IRAK2: variants seen among roughly 807,000 people sequenced by gnomAD.
The protein encoded by IRAK2 is interleukin-1 receptor-associated kinase-like 2.
IRAK2 carries 57 observed loss-of-function variants against 72.0 expected under a neutral mutation model. That is an observed-to-expected ratio of 0.79 (90% CI 0.64 to 0.99). IRAK2 has a LOEUF of 0.99. IRAK2 is among the 50% of genes least tolerant of loss of function. The pLI is 0.00. For synonymous variants in IRAK2, 293 were observed against 312.7 expected, an observed-to-expected ratio of 0.94 and a Z score of 0.67; for missense variants, 790 against 794.4, an observed-to-expected ratio of 0.99 and a Z score of 0.07.
rs1450544645 is a variant in IRAK2, at chr3:10,242,940, C to T, written c.*712C>T. ...CCTGTATTGGAAATCTTGCAATTCA[C>T]ATAATTATTCAGTCACTGCCTGGTA... On this transcript the variant is annotated 3_prime_UTR_variant, in exon 13 of 13. Coordinates refer to ENST00000256458, the MANE Select transcript of IRAK2 (RefSeq NM_001570.4). 6.6e-6 allele frequency: 1 copy of T among 152,254 alleles called. No homozygotes were observed. The highest frequency in any genetic ancestry group is 1.5e-5 in the Non-Finnish European group (1 of 68,050). 9.4% of individuals were successfully genotyped at this position (152,254 alleles called of 1,614,324 possible). A position where few individuals can be genotyped will look rare whatever the true frequency, so the allele number is the denominator to read the frequency against.
At chr3:10,188,732 G>A (rs1697124902) in intron 2 of IRAK2, among the ~76,000 whole-genome samples, 1 of 152,216 alleles carries the variant, frequency 6.6e-6, no homozygotes, top group Non-Finnish European at 1.5e-5. Context: ...CTCCATGTTG[G>A]TCAGGCTGGT....
intron 2 of IRAK2, among the ~76,000 whole-genome samples, chr3:10,180,703 G>A (rs992294600): frequency 6.6e-6 from 1 of 152,108 alleles, no homozygotes; most frequent in Admixed American, 6.5e-5. Context: ...TCCAGGAGGG[G>A]GGACTGGGAG....
Position 10,177,869 on chromosome 3 carries a change from G to T in IRAK2, c.126G>T (p.Leu42=). 6.2e-7 allele frequency: 1 copy of T among 1,613,588 alleles called. No homozygotes were observed. ...ACGTGATCACAGACCTGACCCAGCT[G>T]CGGAAGATCAAGTCCATGGAGCGGG... ...ASYVITDLTQ[L]RKIKSMERVQ... is the part of the protein sequence containing the mutation. The change falls in exon 2 of 13, where the codon CTG becomes CTT. Residue 42 remains leucine (L), a synonymous_variant. Coordinates refer to ENST00000256458, the MANE Select transcript of IRAK2 (RefSeq NM_001570.4).
Position 10,177,953 on chromosome 3 carries a change from C to G in IRAK2, c.210C>G (p.Thr70=), listed in dbSNP as rs780541727. 9 of 1,613,738 alleles carry G rather than the reference C, an allele frequency of 5.6e-6. No homozygotes were observed. The highest frequency in any genetic ancestry group is 7.6e-6 in the Non-Finnish European group (9 of 1,180,000). Residue 70 remains threonine (T), a synonymous_variant, in exon 2 of 13, where the codon ACC becomes ACG. Transcript: ENST00000256458. ...GGTGGTGGGGCATGCGGCAGGCCAC[C>G]GTCCAGCAACTTGTGGACCTCCTGT... ...LLWWWGMRQA[T]VQQLVDLLCR... is the part of the protein sequence containing the mutation.
At chr3:10,175,731 T>G (rs1696862209) in intron 1 of IRAK2, among the ~76,000 whole-genome samples, 1 of 151,126 alleles carries the variant, frequency 6.6e-6, no homozygotes, top group Admixed American at 6.6e-5. Context: ...CTACTAAAAA[T>G]ACAAAAAAAT....
chr3:10,193,125 G>A (rs1252274378), intron 2 of IRAK2, among the ~76,000 whole-genome samples: 3 of 152,154 alleles, frequency 2.0e-5, no homozygotes, highest in African/African-American at 7.2e-5. Context: ...TGCTCATTAG[G>A]AAGAGCACAG....
rs1300918242 is a variant in IRAK2, at chr3:10,165,118, C to T, written c.94+70C>T. 12 of 1,369,510 alleles carry T rather than the reference C, an allele frequency of 8.8e-6. No individual in the cohort carries two copies. The Admixed American group carries it at 1.5e-4, about 18-fold the overall frequency. 84.8% of individuals were successfully genotyped at this position (1,369,510 alleles called of 1,614,324 possible). On this transcript the variant is annotated intron_variant, in intron 1 of 12. Transcript: ENST00000256458. Reference sequence around the variant, plus strand: ...CCCCAGCGATCCCGCCTGGAGCGGCCGCCAAGCTCCCTCGGGCACCCGGGT... The same window carrying T: ...CCCCAGCGATCCCGCCTGGAGCGGCTGCCAAGCTCCCTCGGGCACCCGGGT...
chr3:10,186,068 TCAACAACAACAA>T (rs370082817), intron 2 of IRAK2, among the ~76,000 whole-genome samples: 3 of 150,978 alleles, frequency 2.0e-5, no homozygotes, highest in African/African-American at 7.4e-5. Context: ...AGACTCCGTC[TCAACAACAACAA>T]CAACAACAAC....
At position 10,234,523 on chromosome 3, in the gene IRAK2, T is replaced by C. The variant is rs1697919632; in HGVS notation, c.1337T>C (p.Val446Ala). The C allele has an allele frequency of 6.2e-7, 1 of 1,613,894 alleles. No individual in the cohort carries two copies. The highest frequency in any genetic ancestry group is 1.7e-5 in the Admixed American group (1 of 60,000). Residue 446 changes from valine to alanine, a missense_variant, in exon 11 of 13, where the codon GTG (valine) becomes GCG (alanine). Transcript: ENST00000256458. ...TASLCSRKTG[V>A]ENVMAKEICQ... ...TCGCTCTGCTCCAGGAAGACGGGCG[T>C]GGAGAACGTGATGGCAAAGGAGATC...
rs756857570 is a variant in IRAK2, at chr3:10,177,996, C to T, written c.253C>T (p.Arg85Trp). Reference protein sequence around the residue: ...VDLLCRLELYRAAQIILNWKP... With the variant: ...VDLLCRLELYWAAQIILNWKP... ...CCTCCTGTGCCGCCTGGAGCTCTAC[C>T]GGGCTGCCCAGATCATCCTGAACTG... is the stretch of plus-strand genomic sequence containing the variant. The change falls in exon 2 of 13, where the codon CGG (arginine) becomes TGG (tryptophan). Residue 85 changes from arginine to tryptophan, a missense_variant. By Grantham distance (101) the Arg-to-Trp change is moderately radical (BLOSUM62 -3). Transcript: ENST00000256458. 36 of 1,611,496 alleles carry T rather than the reference C, an allele frequency of 2.2e-5. No homozygotes were observed. The highest frequency in any genetic ancestry group is 4.0e-5 in the African/African-American group (3 of 74,912).
In IRAK2 at chr3:10,201,237, T is replaced by G. The variant is rs370668714; in HGVS notation, c.424+722T>G. On this transcript the variant is annotated intron_variant, in intron 3 of 12. Transcript: ENST00000256458. ...ATGCCCATTTCATGGATGAGAAAAC[T>G]AAAGCACAGCGAGGTTAACCAACCT... 4.6e-5 allele frequency among the ~76,000 whole-genome samples: 7 copies of G among 152,314 alleles called. No homozygotes were observed. The East Asian group carries it at 1.2e-3, about 25-fold the overall frequency.
At chr3:10,219,816 G>A (rs377714689) in intron 8 of IRAK2, 27 bp downstream of exon 8, 1 of 1,530,072 alleles carries the variant, frequency 6.5e-7, no homozygotes, top group Non-Finnish European at 9.1e-7. Context: ...GGACCCTGCT[G>A]GGGCCTGGGC....
In IRAK2 at chr3:10,213,467, G is replaced by T; in HGVS notation, c.724-17G>T. 1 of 1,613,882 alleles carries T rather than the reference G, an allele frequency of 6.2e-7. No individual in the cohort carries two copies. Among genetic ancestry groups the T allele is most frequent in the Middle Eastern group, 1.7e-4 (1 of 6,060 alleles). On this transcript the variant is annotated splice_polypyrimidine_tract_variant and intron_variant, in intron 5 of 12. Transcript: ENST00000256458. ...GGGTGGGGCGGGATCTTCATGTTCTGATGTCTTTCTCTACAGACAGCCTGT... is the reference window on the plus strand; with the variant it reads ...GGGTGGGGCGGGATCTTCATGTTCTTATGTCTTTCTCTACAGACAGCCTGT...
At chr3:10,169,847 T>A (rs1178870531) in intron 1 of IRAK2, among the ~76,000 whole-genome samples, 3 of 152,232 alleles carry the variant, frequency 2.0e-5, no homozygotes, top group Non-Finnish European at 4.4e-5. Context: ...AGAGTATAAA[T>A]GTCCATAAAA....
chr3:10,207,761 G>A (rs546435227), intron 3 of IRAK2, among the ~76,000 whole-genome samples: 1 of 152,298 alleles, frequency 6.6e-6, no homozygotes, highest in East Asian at 1.9e-4. Context: ...GGGAGGCCGA[G>A]GCAAGTGGAT....
At chr3:10,167,558 G>C (rs1010151925) in intron 1 of IRAK2, among the ~76,000 whole-genome samples, 3 of 152,064 alleles carry the variant, frequency 2.0e-5, no homozygotes, top group African/African-American at 7.2e-5. Context: ...TGGACTACAG[G>C]TGCCTGCCAC....
intron 11 of IRAK2, among the ~76,000 whole-genome samples, chr3:10,237,796 A>T (rs1559454681): frequency 7.1e-6 from 1 of 140,064 alleles, no homozygotes; most frequent in African/African-American, 2.8e-5. Flanking sequence ...AAAGAGCGAG[A>T]CTCTGTCTCA....
At position 10,189,963 on chromosome 3, in the gene IRAK2, G is replaced by C. The variant is rs1177989995; in HGVS notation, c.278-10406G>C. On this transcript the variant is annotated intron_variant, in intron 2 of 12. Coordinates refer to ENST00000256458, the MANE Select transcript of IRAK2 (RefSeq NM_001570.4). Reference sequence around the variant, plus strand: ...CACAGGCCAGGGGTCAGAGCACCTGGGTTCTAGTAATAGCTTGTGTTTAGC... The same window carrying C: ...CACAGGCCAGGGGTCAGAGCACCTGCGTTCTAGTAATAGCTTGTGTTTAGC... Among the ~76,000 whole-genome samples, 3 of 151,928 alleles carry C rather than the reference G, an allele frequency of 2.0e-5. No individual in the cohort carries two copies. The South Asian group carries it at 6.2e-4, about 32-fold the overall frequency.
chr3:10,216,327 G>A lies in IRAK2; in HGVS notation c.789-607G>A, dbSNP rs372639811. Among the ~76,000 whole-genome samples the A allele has an allele frequency of 1.5e-3, 221 of 152,278 alleles. 6 individuals are homozygous for A. In the South Asian group the frequency reaches 0.044, roughly 30 times the overall value. ...TAGGATGATGTTGACCTGAGCATCA[G>A]GATGCAAATTGACATTCAGGTCTGG... On this transcript the variant is annotated intron_variant, in intron 6 of 12. Coordinates refer to ENST00000256458, the MANE Select transcript of IRAK2 (RefSeq NM_001570.4).
Sources: allele counts gnomAD v4.1 joint callset (sites outside exome capture counted in the v4.1 genomes callset), GRCh38; gene constraint gnomAD v4.1.1; transcripts MANE v1.5; gene names NCBI Gene and HGNC (gene_info 2026-07-23, HGNC 2026-07-21).